The following PRKN variants were observed in gnomAD, a reference collection of about 807,000 sequenced individuals.
PRKN encodes E3 ubiquitin-protein ligase parkin.
In PRKN, 56 loss-of-function variants were observed where a neutral mutation model predicts 59.5. The observed-to-expected ratio is 0.94, with a 90% CI of 0.76 to 1.18. PRKN has a LOEUF of 1.18. PRKN is among the 50% of genes most tolerant of loss of function. PRKN has a pLI of 0.00. For missense variants in PRKN, 657 were observed against 596.4 expected, an observed-to-expected ratio of 1.10 and a Z score of -1.06; for synonymous variants, 250 against 222.1, an observed-to-expected ratio of 1.13 and a Z score of -1.12.
intron 5 of PRKN, among the ~76,000 whole-genome samples, chr6:162,010,102 T>C (rs994224389): frequency 2.7e-5 from 4 of 149,546 alleles, no homozygotes; most frequent in Non-Finnish European, 5.9e-5. Context: ...GGGAACAATG[T>C]CTCTTGTTTG....
chr6:162,167,547 C>T (rs1366102813), intron 4 of PRKN, among the ~76,000 whole-genome samples: 4 of 150,744 alleles, frequency 2.7e-5, no homozygotes, highest in African/African-American at 9.8e-5. Context: ...TTAATTTCCA[C>T]GAAACAGTCA....
chr6:161,494,337 C>T (rs1351172270), intron 9 of PRKN, among the ~76,000 whole-genome samples: 2 of 152,156 alleles, frequency 1.3e-5, no homozygotes, highest in East Asian at 3.9e-4. Flanking sequence ...ACTTCAAAGC[C>T]TCAACAAAAA....
intron 1 of PRKN, among the ~76,000 whole-genome samples, chr6:162,724,262 C>A (rs1779040860): frequency 6.6e-6 from 1 of 152,246 alleles, no homozygotes; most frequent in Non-Finnish European, 1.5e-5. Flanking sequence ...TCCTTCTCCA[C>A]ACTTTCCACA....
rs558975769 is a variant in PRKN, at chr6:162,510,368, G to A, written c.8-66895C>T. Among the ~76,000 whole-genome samples, 17 of 150,106 alleles carry A rather than the reference G, an allele frequency of 1.1e-4. No homozygotes were observed. In the South Asian group the frequency reaches 3.3e-3, roughly 29 times the overall value. On this transcript the variant is annotated intron_variant, in intron 1 of 11. Coordinates refer to ENST00000366898, the MANE Select transcript of PRKN (RefSeq NM_004562.3). ...AGAATTTGGAATGCATTTTCCATAT[G>A]ATGATGGCAGGTGCTTTCTCACGTG...
chr6:162,611,987 C>T lies in PRKN; in HGVS notation c.7+115675G>A, dbSNP rs188513901. On this transcript the variant is annotated intron_variant, in intron 1 of 11. Coordinates refer to ENST00000366898, the MANE Select transcript of PRKN (RefSeq NM_004562.3). ...TATCATAAGGTCAGGAGATCGAGAC[C>T]ATCCTGGCTAACACGGTGAAACCCC... is the stretch of plus-strand genomic sequence containing the variant. Among the ~76,000 whole-genome samples, 9 of 151,184 alleles carry T rather than the reference C, an allele frequency of 6.0e-5. No individual in the cohort carries two copies. In the East Asian group the frequency reaches 9.9e-4, roughly 17 times the overall value.
chr6:162,474,510 G>C (rs551348498), intron 1 of PRKN, among the ~76,000 whole-genome samples: 1 of 152,138 alleles, frequency 6.6e-6, no homozygotes, highest in East Asian at 1.9e-4. Context: ...TGGTTTCCCA[G>C]GAAATCACAG....
At chr6:161,830,179 T>C (rs1792425189) in intron 6 of PRKN, among the ~76,000 whole-genome samples, 1 of 151,844 alleles carries the variant, frequency 6.6e-6, no homozygotes. Context: ...GTTGCCCCTC[T>C]GGCCCTGGAA....
chr6:161,788,143 C>T (rs1790499284), intron 6 of PRKN, among the ~76,000 whole-genome samples: 1 of 152,182 alleles, frequency 6.6e-6, no homozygotes, highest in African/African-American at 2.4e-5. Flanking sequence ...TGGACAACAG[C>T]ACACTTCTAT....
intron 3 of PRKN, among the ~76,000 whole-genome samples, chr6:162,254,652 A>G (rs543429552): frequency 7.9e-5 from 12 of 152,022 alleles, no homozygotes; most frequent in Non-Finnish European, 1.3e-4. Context: ...GCTGAAAGCT[A>G]ACTTGTTCCT....
intron 5 of PRKN, among the ~76,000 whole-genome samples, chr6:161,975,478 C>T (rs1398309196): frequency 6.6e-6 from 1 of 151,948 alleles, no homozygotes; most frequent in Non-Finnish European, 1.5e-5. Flanking sequence ...ATATGTTATC[C>T]CCTTATACGT....
intron 1 of PRKN, among the ~76,000 whole-genome samples, chr6:162,577,532 G>A (rs1015015740): frequency 2.6e-5 from 4 of 151,910 alleles, no homozygotes; most frequent in East Asian, 1.9e-4. Flanking sequence ...CCCGGGAGGC[G>A]GGGGGTGCAG....
intron 11 of PRKN, among the ~76,000 whole-genome samples, chr6:161,350,592 T>G (rs1784491203): frequency 7.5e-6 from 1 of 133,164 alleles, no homozygotes; most frequent in Non-Finnish European, 1.5e-5. Flanking sequence ...TATAAATATA[T>G]TTTTATATAT....
intron 6 of PRKN, among the ~76,000 whole-genome samples, chr6:161,905,597 T>C (rs2128235975): frequency 6.6e-6 from 1 of 152,270 alleles, no homozygotes; most frequent in Admixed American, 6.5e-5. Flanking sequence ...CAAGCTGTCT[T>C]TCTGGAATTT....
rs374037535 is a variant in PRKN, at chr6:162,646,115, G to A, written c.7+81547C>T. Among the ~76,000 whole-genome samples, 142 of 151,738 alleles carry A rather than the reference G, an allele frequency of 9.4e-4. 3 individuals carry two copies. The East Asian group carries it at 0.025, about 26-fold the overall frequency. ...TCTCGATCTCCTGACCTCGTAAACC[G>A]CCCGCCTCGGCCTCCCAAAGTGCTG... On this transcript the variant is annotated intron_variant, in intron 1 of 11. Coordinates refer to ENST00000366898, the MANE Select transcript of PRKN (RefSeq NM_004562.3).
intron 2 of PRKN, among the ~76,000 whole-genome samples, chr6:162,308,093 C>A (rs557059029): frequency 1.3e-5 from 2 of 152,252 alleles, no homozygotes; most frequent in African/African-American, 2.4e-5. Flanking sequence ...AGGCACGTGG[C>A]CTTCTTCACC....
At chr6:161,541,323 C>G (rs55845596) in intron 9 of PRKN, among the ~76,000 whole-genome samples, 19 of 152,228 alleles carry the variant, frequency 1.2e-4, no homozygotes, top group East Asian at 3.9e-4. Context: ...CAGCCCCAGA[C>G]AGAGGTCAGA....
chr6:161,639,103 G>C (rs929706942), intron 7 of PRKN, among the ~76,000 whole-genome samples: 1 of 152,164 alleles, frequency 6.6e-6, no homozygotes, highest in African/African-American at 2.4e-5. Flanking sequence ...TGTGAAGAAG[G>C]ACATGTTTGC....
At chr6:162,598,809 C>T (rs113024642) in intron 1 of PRKN, among the ~76,000 whole-genome samples, 3,002 of 147,878 alleles carry the variant, frequency 0.02, 99 homozygotes, top group African/African-American at 0.07. Flanking sequence ...GCTGACATCA[C>T]GCCACTGCAC....
intron 6 of PRKN, among the ~76,000 whole-genome samples, chr6:161,814,338 G>A (rs1791679080): frequency 6.6e-6 from 1 of 152,172 alleles, no homozygotes; most frequent in South Asian, 2.1e-4. Flanking sequence ...TGTGACCAAA[G>A]AGGTTTCTAA....
Sources: gnomAD v4.1 joint callset for allele counts (sites outside exome capture counted in the v4.1 genomes callset) on GRCh38, gnomAD v4.1.1 for gene constraint, MANE v1.5 for transcripts, NCBI Gene and HGNC (gene_info 2026-07-23, HGNC 2026-07-21) for gene names.